The following SMYD3 variants were observed in gnomAD, a reference collection of about 807,000 sequenced individuals.
SMYD3 encodes the protein SET and MYND domain containing 3.
Under a neutral mutation model 57.7 loss-of-function variants are expected in SMYD3, and 36 were observed. The ratio of observed to expected loss-of-function variants is 0.62; its 90% CI spans 0.48 to 0.82. The LOEUF is 0.82. Ranked by LOEUF, SMYD3 falls within the 40% of genes least tolerant of loss-of-function variation. The pLI is 0.00. For missense variants in SMYD3, 515 were observed against 538.8 expected (o/e 0.96, Z 0.44); for synonymous variants, 211 against 195.0 (o/e 1.08, Z -0.68).
intron 5 of SMYD3, among the ~76,000 whole-genome samples, chr1:246,282,101 C>T (rs889237324): frequency 6.6e-6 from 1 of 151,950 alleles, no homozygotes; most frequent in African/African-American, 2.4e-5. Context: ...AATATGTATA[C>T]TTTACTTATA....
chr1:245,822,109 G>A (rs2049193597), intron 10 of SMYD3, among the ~76,000 whole-genome samples: 1 of 152,050 alleles, frequency 6.6e-6, no homozygotes, highest in African/African-American at 2.4e-5. Context: ...TATGTTTATT[G>A]CGGCATTATT....
intron 5 of SMYD3, among the ~76,000 whole-genome samples, chr1:246,231,880 G>C (rs761017010): frequency 7.9e-5 from 12 of 152,140 alleles, no homozygotes; most frequent in Non-Finnish European, 1.6e-4. Context: ...AACAAAAGGG[G>C]AAAAAGTGAG....
At chr1:245,934,635 C>T (rs979379016) in intron 5 of SMYD3, among the ~76,000 whole-genome samples, 2 of 152,070 alleles carry the variant, frequency 1.3e-5, no homozygotes, top group East Asian at 1.9e-4. Flanking sequence ...AGGCTGGCGA[C>T]GGAGGTCAGC....
intron 5 of SMYD3, chr1:245,955,819 T>C (rs899832420): frequency 1.9e-5 from 9 of 471,118 alleles, no homozygotes; most frequent in African/African-American, 1.9e-4. Context: ...CTTTGCATAC[T>C]TTTGGCTACT....
intron 5 of SMYD3, among the ~76,000 whole-genome samples, chr1:246,122,893 G>A (rs1206976080): frequency 6.6e-6 from 1 of 152,206 alleles, no homozygotes; most frequent in Non-Finnish European, 1.5e-5. Flanking sequence ...GCTCCCAAAA[G>A]AGGCCAATTT....
chr1:246,270,442 G>C (rs1326563414), intron 5 of SMYD3, among the ~76,000 whole-genome samples: 1 of 152,144 alleles, frequency 6.6e-6, no homozygotes, highest in Non-Finnish European at 1.5e-5. Flanking sequence ...TTGCAGAACT[G>C]AAACTCTAAA....
chr1:246,055,462 A>T (rs545199685), intron 5 of SMYD3, among the ~76,000 whole-genome samples: 72 of 152,314 alleles, frequency 4.7e-4, no homozygotes, highest in African/African-American at 1.7e-3. Context: ...AAAAAATTTT[A>T]AAAAATAATT....
intron 1 of SMYD3, among the ~76,000 whole-genome samples, chr1:246,413,002 G>A (rs867359296): frequency 6.6e-6 from 1 of 152,272 alleles, no homozygotes; most frequent in East Asian, 1.9e-4. Context: ...AATCAAGGCA[G>A]AGAGGTTAAA....
intron 5 of SMYD3, among the ~76,000 whole-genome samples, chr1:246,091,865 A>G (rs1257469406): frequency 6.6e-6 from 1 of 152,260 alleles, no homozygotes; most frequent in African/African-American, 2.4e-5. Context: ...AACGTTTAAT[A>G]ATACCTATAG....
intron 7 of SMYD3, among the ~76,000 whole-genome samples, chr1:245,923,759 C>T (rs1014338691): frequency 6.6e-6 from 1 of 152,202 alleles, no homozygotes. Flanking sequence ...CCCATTTACA[C>T]CACTGTGCAT....
intron 5 of SMYD3, among the ~76,000 whole-genome samples, chr1:246,004,432 C>T (rs2148166746): frequency 6.6e-6 from 1 of 152,298 alleles, no homozygotes; most frequent in African/African-American, 2.4e-5. Flanking sequence ...GACTTTCATT[C>T]ATGTGTACTA....
At chr1:246,505,879 G>A (rs114291328) in intron 1 of SMYD3, among the ~76,000 whole-genome samples, 1 of 152,154 alleles carries the variant, frequency 6.6e-6, no homozygotes, top group African/African-American at 2.4e-5. Flanking sequence ...ATCTTGAAAG[G>A]AACGAATTGT....
intron 4 of SMYD3, among the ~76,000 whole-genome samples, chr1:246,329,434 A>G (rs962358826): frequency 1.3e-5 from 2 of 152,140 alleles, no homozygotes; most frequent in African/African-American, 4.8e-5. Flanking sequence ...CATTTCTCTG[A>G]TGGCCAGTGA....
At chr1:246,097,951 A>C (rs12040418) in intron 5 of SMYD3, among the ~76,000 whole-genome samples, 9,096 of 152,212 alleles carry the variant, frequency 0.06, 522 homozygotes, top group South Asian at 0.19. Flanking sequence ...GTCTACATTA[A>C]ATTTACCTTC....
intron 10 of SMYD3, among the ~76,000 whole-genome samples, chr1:245,856,148 C>T (rs2148469870): frequency 6.6e-6 from 1 of 152,324 alleles, no homozygotes; most frequent in South Asian, 2.1e-4. Flanking sequence ...GGTACCTGAC[C>T]TATTTGCATA....
intron 1 of SMYD3, among the ~76,000 whole-genome samples, chr1:246,365,979 C>T (rs2066094407): frequency 2.6e-5 from 4 of 152,166 alleles, no homozygotes; most frequent in African/African-American, 9.7e-5. Flanking sequence ...ACTTCCCTCT[C>T]TCTTGTCTAA....
intron 1 of SMYD3, among the ~76,000 whole-genome samples, chr1:246,439,105 C>CGGGGG (rs35839272): frequency 3.2e-5 from 4 of 125,294 alleles, no homozygotes; most frequent in Admixed American, 7.9e-5. Context: ...TTGTTATTTT[C>CGGGGG]GGGGGGGGGG....
intron 5 of SMYD3, among the ~76,000 whole-genome samples, chr1:246,084,309 G>A (rs2060690962): frequency 6.6e-6 from 1 of 150,888 alleles, no homozygotes; most frequent in Admixed American, 6.6e-5. Flanking sequence ...TCAACATTCT[G>A]GGCTCAAACG....
At chr1:246,354,524 A>G (rs909301493) in intron 2 of SMYD3, among the ~76,000 whole-genome samples, 3 of 152,216 alleles carry the variant, frequency 2.0e-5, no homozygotes, top group African/African-American at 7.2e-5. Flanking sequence ...AGCATTCATT[A>G]ACAAAGAAAT....
Sources: allele counts gnomAD v4.1 joint callset (sites outside exome capture counted in the v4.1 genomes callset), GRCh38; gene constraint gnomAD v4.1.1; transcripts MANE v1.5; gene names NCBI Gene and HGNC (gene_info 2026-07-23, HGNC 2026-07-21).